The following PPP4R2 variants were observed in gnomAD, a reference collection of about 807,000 sequenced individuals.
PPP4R2 encodes the protein serine/threonine-protein phosphatase 4 regulatory subunit 2.
In PPP4R2, 13 loss-of-function variants were observed where a neutral mutation model predicts 47.2. The ratio of observed to expected loss-of-function variants is 0.28; its 90% CI spans 0.18 to 0.44. PPP4R2 has a LOEUF of 0.44. Ranked by LOEUF, PPP4R2 falls within the 20% of genes least tolerant of loss-of-function variation. The pLI, the probability that PPP4R2 is intolerant of heterozygous loss-of-function variation, is 1.00. For synonymous variants in PPP4R2, 151 were observed against 163.3 expected (o/e 0.92, Z 0.57); for missense variants, 421 against 491.2 (o/e 0.86, Z 1.35).
intron 2 of PPP4R2, among the ~76,000 whole-genome samples, chr3:73,004,944 CGTGTGTGTGTGTGTGTGT>C (rs67945272): frequency 7.0e-4 from 82 of 117,042 alleles, no homozygotes; most frequent in African/African-American, 2.0e-3. Context: ...GAGTCGGAGT[CGTGTGTGTGTGTGTGTGT>C]GTGTGTGTGT....
chr3:73,011,157 C>T (rs1405369207), intron 2 of PPP4R2, among the ~76,000 whole-genome samples: 3 of 152,150 alleles, frequency 2.0e-5, no homozygotes, highest in African/African-American at 7.2e-5. Context: ...GTAACAGTGC[C>T]AGAATCTTTT....
intron 3 of PPP4R2, among the ~76,000 whole-genome samples, chr3:73,056,805 G>T (rs1702739753): frequency 6.6e-6 from 1 of 152,070 alleles, no homozygotes; most frequent in African/African-American, 2.4e-5. Flanking sequence ...AAAGCATTCA[G>T]TGTACATGTT....
intron 5 of PPP4R2, 70 bp from the exon 6 acceptor site, chr3:73,063,603 T>G: frequency 1.2e-6 from 1 of 860,934 alleles, no homozygotes; most frequent in South Asian, 1.4e-5. Flanking sequence ...CATTCCACCT[T>G]GGGTGACAGA....
chr3:73,042,657 C>T (rs574800664), intron 2 of PPP4R2, among the ~76,000 whole-genome samples: 3 of 152,196 alleles, frequency 2.0e-5, no homozygotes, highest in African/African-American at 7.2e-5. Context: ...GCCACCGCGC[C>T]TGGCCCCTGA....
intron 3 of PPP4R2, among the ~76,000 whole-genome samples, chr3:73,054,197 C>T (rs1399529828): frequency 6.6e-5 from 10 of 152,172 alleles, no homozygotes; most frequent in Non-Finnish European, 1.2e-4. Context: ...GGATTACAGG[C>T]GTGAGCCGCC....
At chr3:73,048,253 GTTTTA>G (rs1319893358) in intron 3 of PPP4R2, among the ~76,000 whole-genome samples, 7 of 151,724 alleles carry the variant, frequency 4.6e-5, no homozygotes, top group East Asian at 1.9e-4. Context: ...TTTGTTTTTT[GTTTTA>G]TTTTGTTTTG....
At chr3:73,027,137 T>A (rs1702082883) in intron 2 of PPP4R2, among the ~76,000 whole-genome samples, 1 of 152,196 alleles carries the variant, frequency 6.6e-6, no homozygotes, top group Non-Finnish European at 1.5e-5. Flanking sequence ...TCCCCTGTTT[T>A]TTTGTTTTTG....
At chr3:73,057,084 GT>G (rs752916408) in intron 3 of PPP4R2, among the ~76,000 whole-genome samples, 2 of 152,130 alleles carry the variant, frequency 1.3e-5, no homozygotes, top group Non-Finnish European at 2.9e-5. Flanking sequence ...TGTTGTGTGT[GT>G]AAGGTTTGAA....
chr3:73,050,075 G>T (rs984420337), intron 3 of PPP4R2, among the ~76,000 whole-genome samples: 4 of 152,038 alleles, frequency 2.6e-5, no homozygotes, highest in African/African-American at 4.8e-5. Flanking sequence ...CGAGTAGCTG[G>T]CATTACAGGG....
At chr3:73,060,998 A>G (rs981942474) in intron 4 of PPP4R2, 25 bp from the exon 5 acceptor site, 2 of 1,524,534 alleles carry the variant, frequency 1.3e-6, no homozygotes, top group Admixed American at 3.7e-5. Flanking sequence ...TCTTCATACT[A>G]AATCACTGAT....
chr3:73,007,833 C>T (rs568950416), intron 2 of PPP4R2, among the ~76,000 whole-genome samples: 1 of 152,244 alleles, frequency 6.6e-6, no homozygotes, highest in Non-Finnish European at 1.5e-5. Flanking sequence ...TTTTGTCTAA[C>T]GTAGTATTTC....
At chr3:73,011,073 C>G (rs1433265115) in intron 2 of PPP4R2, among the ~76,000 whole-genome samples, 3 of 152,064 alleles carry the variant, frequency 2.0e-5, no homozygotes, top group Non-Finnish European at 4.4e-5. Context: ...GCTCCAAATC[C>G]TCTTGTAATT....
chr3:73,022,060 G>A (rs1369551300), intron 2 of PPP4R2, among the ~76,000 whole-genome samples: 1 of 151,652 alleles, frequency 6.6e-6, no homozygotes. Flanking sequence ...CCACTTCTGG[G>A]TAGTTTTTGT....
intron 2 of PPP4R2, among the ~76,000 whole-genome samples, chr3:73,028,256 CA>C (rs60279021): frequency 0.14 from 17,328 of 120,188 alleles, 1,104 homozygotes; most frequent in East Asian, 0.29. Context: ...GACTCCGTCT[CA>C]AAAAAAAAAA....
chr3:73,037,092 A>G (rs1702278458), intron 2 of PPP4R2, among the ~76,000 whole-genome samples: 1 of 152,088 alleles, frequency 6.6e-6, no homozygotes, highest in African/African-American at 2.4e-5. Flanking sequence ...TATCACATGG[A>G]TTGGTCTTTG....
At chr3:73,013,331 G>T (rs1043825342) in intron 2 of PPP4R2, among the ~76,000 whole-genome samples, 2 of 152,124 alleles carry the variant, frequency 1.3e-5, no homozygotes, top group East Asian at 3.9e-4. Flanking sequence ...TCTTCATTTT[G>T]GTTAAGGAGG....
chr3:73,047,487 A>T (rs551750211), intron 3 of PPP4R2, 131 bp downstream of exon 3: 1 of 556,396 alleles, frequency 1.8e-6, no homozygotes, highest in African/African-American at 2.0e-5. Flanking sequence ...AGTGACATGT[A>T]GTAGTTGATG....
At chr3:73,046,162 T>A (rs1185386068) in intron 2 of PPP4R2, among the ~76,000 whole-genome samples, 2 of 152,212 alleles carry the variant, frequency 1.3e-5, no homozygotes, top group African/African-American at 4.8e-5. Context: ...ACATGGATTA[T>A]CAGTTTTATC....
chr3:73,056,769 A>G (rs759639466), intron 3 of PPP4R2, among the ~76,000 whole-genome samples: 1 of 152,204 alleles, frequency 6.6e-6, no homozygotes, highest in Non-Finnish European at 1.5e-5. Context: ...CTACAATTTA[A>G]CTTACATTTC....
Sources: allele counts gnomAD v4.1 joint callset (sites outside exome capture counted in the v4.1 genomes callset), GRCh38; gene constraint gnomAD v4.1.1; transcripts MANE v1.5; gene names NCBI Gene and HGNC (gene_info 2026-07-23, HGNC 2026-07-21).